The following SLC6A7 variants were observed in gnomAD, a reference collection of about 807,000 sequenced individuals.
The protein encoded by SLC6A7 is sodium-dependent proline transporter.
In SLC6A7, 58 loss-of-function variants were observed where a neutral mutation model predicts 73.1. The observed-to-expected ratio is 0.79, with a 90% CI of 0.64 to 0.99. The LOEUF (loss-of-function observed/expected upper bound fraction) is 0.99, where lower values mean the gene tolerates loss of function less well. Ranked by LOEUF, SLC6A7 falls within the 50% of genes least tolerant of loss-of-function variation. SLC6A7 has a pLI of 0.00. For missense variants in SLC6A7, 783 were observed against 831.4 expected (o/e 0.94, Z 0.72); for synonymous variants, 338 against 338.7 (o/e 1.00, Z 0.02).
chr5:150,190,487 C>A, intron 1 of SLC6A7, 127 bp downstream of exon 1: 1 of 598,206 alleles, frequency 1.7e-6, no homozygotes, highest in Non-Finnish European at 2.7e-6. Context: ...GGGGAAGGCC[C>A]GACTCAGCTG....
At chr5:150,190,828 C>T (rs1444455117) in intron 1 of SLC6A7, among the ~76,000 whole-genome samples, 2 of 152,224 alleles carry the variant, frequency 1.3e-5, no homozygotes, top group East Asian at 1.9e-4. Context: ...GAAGACTCTC[C>T]TCTTTCCTGC....
At chr5:150,199,197 C>A (rs778002430) in intron 4 of SLC6A7, 31 bp from the exon 5 acceptor site, 3 of 1,558,572 alleles carry the variant, frequency 1.9e-6, no homozygotes, top group South Asian at 2.4e-5. Flanking sequence ...GTGGGGTGAC[C>A]AGGGGACACT....
intron 2 of SLC6A7, 109 bp downstream of exon 2, chr5:150,195,020 C>T (rs1752954270): frequency 2.2e-6 from 2 of 918,632 alleles, no homozygotes; most frequent in African/African-American, 3.3e-5. Context: ...CGACCTTGGG[C>T]AGAACTCATT....
intron 6 of SLC6A7, among the ~76,000 whole-genome samples, chr5:150,201,430 C>T (rs1454573967): frequency 6.6e-6 from 1 of 152,094 alleles, no homozygotes; most frequent in Non-Finnish European, 1.5e-5. Flanking sequence ...TGTTTTGAAG[C>T]ATATGTACCT....
chr5:150,196,094 A>G (rs1261017217), intron 2 of SLC6A7, among the ~76,000 whole-genome samples: 1 of 152,194 alleles, frequency 6.6e-6, no homozygotes, highest in Non-Finnish European at 1.5e-5. Context: ...GGCTTTGGAT[A>G]GGTGCCCACG....
intron 7 of SLC6A7, 63 bp downstream of exon 7, chr5:150,202,513 G>A (rs575047209): frequency 1.2e-6 from 2 of 1,610,860 alleles, no homozygotes; most frequent in Non-Finnish European, 1.7e-6. Context: ...GGCTGGCCAG[G>A]GAGGGCCTCA....
At chr5:150,204,731 C>A in intron 11 of SLC6A7, 96 bp from the exon 12 acceptor site, 1 of 1,343,600 alleles carries the variant, frequency 7.4e-7, no homozygotes, top group Non-Finnish European at 1.1e-6. Context: ...TCCCAAGGGC[C>A]AGGGTTTCCA....
intron 1 of SLC6A7, among the ~76,000 whole-genome samples, chr5:150,192,844 G>A (rs1384823200): frequency 6.6e-6 from 1 of 152,178 alleles, no homozygotes; most frequent in African/African-American, 2.4e-5. Context: ...GTGCTGGGAT[G>A]GGCGGGGGGT....
At position 150,197,106 on chromosome 5, in the gene SLC6A7, C is replaced by A; in HGVS notation, c.414C>A (p.Ala138=). Residue 138 remains alanine (A), a synonymous_variant, in exon 4 of 14, where the codon GCC becomes GCA. Coordinates refer to ENST00000230671, the MANE Select transcript of SLC6A7 (RefSeq NM_014228.5). ...CCATCTACTACAACATGATCATCGC[C>A]TACGTGCTCTTCTACCTCTTCGCCT... ...LVAIYYNMII[A]YVLFYLFASL... 6.2e-7 allele frequency: 1 copy of A among 1,614,166 alleles called. No individual in the cohort carries two copies. The highest frequency in any genetic ancestry group is 8.5e-7 in the Non-Finnish European group (1 of 1,180,036).
chr5:150,197,043 C>G lies in SLC6A7; in HGVS notation c.351C>G (p.Gly117=). The G allele has an allele frequency of 6.2e-7, 1 of 1,613,110 alleles. No homozygotes were observed. Among genetic ancestry groups the G allele is most frequent in the Non-Finnish European group, 8.5e-7 (1 of 1,179,376 alleles). ...CCCAGCAGCCTCTCCCCACACCAGG[C>G]GCCGGCGCAGCCATGCTGCTCATCG... ...AVWKISPLFK[G]AGAAMLLIVG... The change falls in exon 4 of 14, where the codon GGC becomes GGG. Residue 117 remains glycine, a splice_region_variant and synonymous_variant. Coordinates refer to ENST00000230671, the MANE Select transcript of SLC6A7 (RefSeq NM_014228.5).
intron 2 of SLC6A7, among the ~76,000 whole-genome samples, chr5:150,196,011 C>A (rs970220353): frequency 2.0e-5 from 3 of 152,172 alleles, no homozygotes; most frequent in African/African-American, 7.2e-5. Flanking sequence ...GGTTTAGCAA[C>A]CCAAGAGCTT....
rs762704543 is a variant in SLC6A7, at chr5:150,190,342, G to C, written c.15G>C (p.Gln5His). 20 of 1,509,208 alleles carry C rather than the reference G, an allele frequency of 1.3e-5. No homozygotes were observed. In the South Asian group the frequency reaches 2.2e-4, roughly 17 times the overall value. The allele number at this position is 1,509,208 out of a possible 1,614,324, so 93.5% of individuals were successfully genotyped here. Residue 5 changes from glutamine (Q) to histidine (H), a missense_variant, in exon 1 of 14, where the codon CAG becomes CAC. Transcript: ENST00000230671. ...CGCTCTCCAAGATGAAGAAGCTCCA[G>C]GGAGCTCACCTCCGCAAGGTAGGGC... Reference protein sequence around the residue: MKKLQGAHLRKPVTP... With the variant: MKKLHGAHLRKPVTP...
At chr5:150,201,385 G>A (rs1753375693) in intron 6 of SLC6A7, among the ~76,000 whole-genome samples, 162 bp downstream of exon 6, 1 of 152,016 alleles carries the variant, frequency 6.6e-6, no homozygotes, top group Non-Finnish European at 1.5e-5. Context: ...TAAATTGATA[G>A]GTAAAATTTT....
chr5:150,193,395 C>T lies in SLC6A7; in HGVS notation c.34-1333C>T, dbSNP rs891750971. ...GATTATGACTTTCTGACACAGATCA[C>T]GGCTTAAGTACCTTCTTCCTGCTCA... On this transcript the variant is annotated intron_variant, in intron 1 of 13. Transcript: ENST00000230671. Among the ~76,000 whole-genome samples the T allele has an allele frequency of 4.6e-5, 7 of 152,296 alleles. No homozygotes were observed. The South Asian group carries it at 6.2e-4, about 14-fold the overall frequency.
chr5:150,203,312 G>C (rs1179241798), intron 8 of SLC6A7, among the ~76,000 whole-genome samples: 1 of 152,190 alleles, frequency 6.6e-6, no homozygotes, highest in African/African-American at 2.4e-5. Context: ...CTATGTGCAA[G>C]TGAAAAGGGT....
At chr5:150,199,605 G>A (rs151308598) in intron 5 of SLC6A7, among the ~76,000 whole-genome samples, 131 of 152,352 alleles carry the variant, frequency 8.6e-4, no homozygotes, top group Middle Eastern at 6.8e-3. Flanking sequence ...TCTACATTCA[G>A]CTGTATCCTG....
chr5:150,204,962 G>C, intron 12 of SLC6A7, 35 bp downstream of exon 12: 1 of 1,339,290 alleles, frequency 7.5e-7, no homozygotes, highest in Non-Finnish European at 1.1e-6. Flanking sequence ...TCTGGCTGGG[G>C]CCCCAGAATT....
At chr5:150,206,927 C>T (rs1223107232) in intron 13 of SLC6A7, among the ~76,000 whole-genome samples, 1 of 152,200 alleles carries the variant, frequency 6.6e-6, no homozygotes, top group Non-Finnish European at 1.5e-5. Flanking sequence ...CTGCCCTGTC[C>T]CACAGCCAGG....
At chr5:150,207,077 C>T (rs1753735932) in intron 13 of SLC6A7, among the ~76,000 whole-genome samples, 1 of 152,218 alleles carries the variant, frequency 6.6e-6, no homozygotes, top group African/African-American at 2.4e-5. Context: ...CTGCCATTTG[C>T]CAGCCTCGCG....
Sources: gnomAD v4.1 joint callset for allele counts (sites outside exome capture counted in the v4.1 genomes callset) on GRCh38, gnomAD v4.1.1 for gene constraint, MANE v1.5 for transcripts, NCBI Gene and HGNC (gene_info 2026-07-23, HGNC 2026-07-21) for gene names.